HPRT1: variants seen among roughly 807,000 people sequenced by gnomAD.
HPRT1 encodes hypoxanthine-guanine phosphoribosyltransferase.
In HPRT1, 4 loss-of-function variants were observed where a neutral mutation model predicts 19.0. The ratio of observed to expected loss-of-function variants is 0.21; its 90% confidence interval spans 0.10 to 0.48. The LOEUF (loss-of-function observed/expected upper bound fraction) is 0.48, where lower values mean the gene tolerates loss of function less well. HPRT1 is among the 20% of genes least tolerant of loss of function. The pLI, the probability that HPRT1 is intolerant of heterozygous loss-of-function variation, is 0.98. For missense variants in HPRT1, 65 were observed against 164.0 expected (o/e 0.40, Z 3.30); for synonymous variants, 53 against 54.9 (o/e 0.97, Z 0.15).
In HPRT1 at chrX:134,499,587, A is replaced by G. The variant is rs915452107; in HGVS notation, c.610-443A>G. 3.6e-5 allele frequency among the ~76,000 whole-genome samples: 4 copies of G among 110,923 alleles called. No individual in the cohort carries two copies. In the East Asian group the frequency reaches 8.6e-4, roughly 24 times the overall value. ...TGGGAGGCTGAGGCGGGCGGATCAC[A>G]AGGTCAGGAGATCGAGACCATCCTG... On this transcript the variant is annotated intron_variant, in intron 8 of 8. Coordinates refer to ENST00000298556, the MANE Select transcript of HPRT1 (RefSeq NM_000194.3).
chrX:134,478,334 T>C (rs1309111324), intron 3 of HPRT1, among the ~76,000 whole-genome samples: 4 of 111,812 alleles, frequency 3.6e-5, no homozygotes, highest in Non-Finnish European at 5.6e-5. Flanking sequence ...TTAGAAAACA[T>C]ACGGCTGGGT....
intron 2 of HPRT1, 130 bp downstream of exon 2, chrX:134,473,595 ATCT>A (rs1318135790): frequency 6.9e-5 from 32 of 461,278 alleles, no homozygotes; most frequent in Admixed American, 1.8e-4. Context: ...GCTTTCTAAA[ATCT>A]TCTTTATTAA....
At chrX:134,483,997 C>G (rs889294800) in intron 3 of HPRT1, among the ~76,000 whole-genome samples, 2 of 111,311 alleles carry the variant, frequency 1.8e-5, no homozygotes, top group African/African-American at 3.3e-5. Flanking sequence ...TAGTGAGATC[C>G]TGTCTCTATT....
At chrX:134,480,805 T>TTGTG (rs111997872) in intron 3 of HPRT1, among the ~76,000 whole-genome samples, 161 of 91,628 alleles carry the variant, frequency 1.8e-3, no homozygotes, top group African/African-American at 5.8e-3. Context: ...ATATGTGTAT[T>TTGTG]TGTGTGTGTG....
chrX:134,491,993 A>T (rs1281661639), intron 5 of HPRT1, among the ~76,000 whole-genome samples: 23 of 100,667 alleles, frequency 2.3e-4, no homozygotes, highest in African/African-American at 8.0e-4. Context: ...ATACATATAT[A>T]TATATACACA....
chrX:134,498,324 A>G (rs2077686901), intron 6 of HPRT1, 66 bp from the exon 7 acceptor site: 2 of 857,634 alleles, frequency 2.3e-6, no homozygotes, highest in East Asian at 6.2e-5. Flanking sequence ...TAGAAACGTC[A>G]GTCTTCTCTT....
chrX:134,472,916 C>T (rs190665489), intron 1 of HPRT1, among the ~76,000 whole-genome samples: 126 of 107,842 alleles, frequency 1.2e-3, no homozygotes, highest in African/African-American at 4.1e-3. Context: ...GAGACAGAGT[C>T]TTGCTCTGTT....
intron 1 of HPRT1, among the ~76,000 whole-genome samples, 178 bp from the exon 2 acceptor site, chrX:134,473,181 C>T (rs749862631): frequency 2.7e-5 from 3 of 112,237 alleles, no homozygotes; most frequent in African/African-American, 6.5e-5. Context: ...TGAACCAACC[C>T]GCCCGGCCTG....
chrX:134,491,261 A>G (rs1602747199), intron 5 of HPRT1, among the ~76,000 whole-genome samples: 1 of 110,044 alleles, frequency 9.1e-6, no homozygotes, highest in East Asian at 2.8e-4. Flanking sequence ...TTGTATAAAT[A>G]GAATCATACA....
At chrX:134,483,626 T>G (rs1175478770) in intron 3 of HPRT1, among the ~76,000 whole-genome samples, 2 of 110,453 alleles carry the variant, frequency 1.8e-5, no homozygotes, top group African/African-American at 3.3e-5. Context: ...TATCCTAGAC[T>G]TAACCATAAT....
chrX:134,470,934 T>C (rs2077608925), intron 1 of HPRT1, among the ~76,000 whole-genome samples: 2 of 109,119 alleles, frequency 1.8e-5, no homozygotes, highest in Admixed American at 9.9e-5. Flanking sequence ...AAAAATTTTT[T>C]TTATTTAAAA....
chrX:134,489,407 A>G (rs764780544), intron 4 of HPRT1, among the ~76,000 whole-genome samples: 31 of 111,916 alleles, frequency 2.8e-4, no homozygotes, highest in Non-Finnish European at 4.9e-4. Context: ...TTAGAAGAAT[A>G]TATAGAACAT....
intron 3 of HPRT1, among the ~76,000 whole-genome samples, chrX:134,484,732 G>A (rs2077648356): frequency 8.9e-6 from 1 of 112,119 alleles, no homozygotes; most frequent in African/African-American, 3.2e-5. Flanking sequence ...CTTTTTAATA[G>A]TTGCATGGTA....
intron 1 of HPRT1, among the ~76,000 whole-genome samples, chrX:134,467,723 A>G (rs2077600533): frequency 9.0e-6 from 1 of 110,720 alleles, no homozygotes; most frequent in Admixed American, 9.7e-5. Context: ...ATTATTTCAT[A>G]TCAGTGGTCC....
intron 5 of HPRT1, among the ~76,000 whole-genome samples, chrX:134,491,596 G>A (rs756468761): frequency 3.6e-5 from 4 of 110,245 alleles, no homozygotes; most frequent in Non-Finnish European, 7.6e-5. Flanking sequence ...CTTATTTCTC[G>A]TACCTGAAAT....
chrX:134,492,333 T>C (rs1357846492), intron 5 of HPRT1, among the ~76,000 whole-genome samples: 1 of 110,564 alleles, frequency 9.0e-6, no homozygotes, highest in African/African-American at 3.3e-5. Flanking sequence ...ATAATACAAC[T>C]AAAGCCCCAT....
intron 1 of HPRT1, among the ~76,000 whole-genome samples, chrX:134,469,064 T>G (rs1417030314): frequency 1.8e-5 from 2 of 111,259 alleles, no homozygotes; most frequent in African/African-American, 6.5e-5. Context: ...GGCCTTGTAT[T>G]ATGATACATT....
rs1033437376 is a variant in HPRT1, at chrX:134,472,569, G to GT, written c.28-784dup. Among the ~76,000 whole-genome samples the GT allele has an allele frequency of 4.5e-5, 5 of 110,881 alleles. No individual in the cohort carries two copies. In the Admixed American group the frequency reaches 4.8e-4, roughly 11 times the overall value. On this transcript the variant is annotated intron_variant, in intron 1 of 8. Coordinates refer to ENST00000298556, the MANE Select transcript of HPRT1 (RefSeq NM_000194.3). ...ATATAGTTACATGGTTTTTTGTTTT[G>GT]TTTTTTGTTTTTTAAAGACGAAATC...
chrX:134,462,251 G>A (rs780924925), intron 1 of HPRT1, among the ~76,000 whole-genome samples: 1 of 111,250 alleles, frequency 9.0e-6, no homozygotes, highest in South Asian at 3.8e-4. Context: ...CATGATCTCG[G>A]CTCAGTGCAA....
Sources: gnomAD v4.1 joint callset for allele counts (sites outside exome capture counted in the v4.1 genomes callset) on GRCh38, gnomAD v4.1.1 for gene constraint, MANE v1.5 for transcripts, NCBI Gene and HGNC (gene_info 2026-07-23, HGNC 2026-07-21) for gene names.